Variants in ROCK1 observed in about 807,000 individuals in gnomAD.
The protein encoded by ROCK1 is rho-associated protein kinase 1.
In ROCK1, 36 loss-of-function variants were observed where a neutral mutation model predicts 196.8. That is an observed-to-expected ratio of 0.18 (90% CI 0.14 to 0.24). ROCK1 has a LOEUF of 0.24. Among genes scored for constraint, ROCK1 ranks in the 10% least tolerant of loss-of-function variants. The pLI, the probability that ROCK1 is intolerant of heterozygous loss-of-function variation, is 1.00. For synonymous variants in ROCK1, 443 were observed against 515.9 expected (o/e 0.86, Z 1.91); for missense variants, 920 against 1,562.0 (o/e 0.59, Z 6.93).
At position 20,947,759 on chromosome 18, in the gene ROCK1, T is replaced by TAA. The variant is rs1196050631; in HGVS notation, c.*3624_*3625insTT. 6.6e-6 allele frequency: 1 copy of TAA among 152,218 alleles called. No homozygotes were observed. Among genetic ancestry groups the TAA allele is most frequent in the African/African-American group, 2.4e-5 (1 of 41,468 alleles). 9.4% of individuals were successfully genotyped at this position (152,218 alleles called of 1,614,324 possible). On this transcript the variant is annotated 3_prime_UTR_variant, in exon 33 of 33. Transcript: ENST00000399799. ...TCTTTTTAAACTTCTCCAAATGTCT[T>TAA]ACAATTTTCTTGGTGGAGGTCGTAT...
chr18:20,963,808 T>C (rs1426555010), intron 27 of ROCK1, among the ~76,000 whole-genome samples: 1 of 152,172 alleles, frequency 6.6e-6, no homozygotes, highest in Non-Finnish European at 1.5e-5. Context: ...TTTATGTTTG[T>C]ATTGTGTGCT....
chr18:20,965,730 T>C (rs1361346889), intron 27 of ROCK1, among the ~76,000 whole-genome samples: 1 of 152,150 alleles, frequency 6.6e-6, no homozygotes, highest in East Asian at 1.9e-4. Flanking sequence ...TCTCAAGAGG[T>C]AGGCAGTTTC....
chr18:21,048,009 A>G (rs2036175564), intron 4 of ROCK1, among the ~76,000 whole-genome samples: 1 of 152,202 alleles, frequency 6.6e-6, no homozygotes, highest in Non-Finnish European at 1.5e-5. Context: ...GACAGATAAA[A>G]CATGAAGCTG....
chr18:21,093,259 A>T (rs889558631), intron 1 of ROCK1, among the ~76,000 whole-genome samples: 3 of 152,202 alleles, frequency 2.0e-5, no homozygotes, highest in African/African-American at 4.8e-5. Flanking sequence ...GGACAACACC[A>T]AAGAAGCCGA....
At chr18:21,086,649 CAA>C (rs1159099448) in intron 1 of ROCK1, among the ~76,000 whole-genome samples, 1 of 150,714 alleles carries the variant, frequency 6.6e-6, no homozygotes, top group East Asian at 1.9e-4. Context: ...CCAAATTTGG[CAA>C]AAGACATAAA....
At chr18:21,094,504 T>G (rs1415851363) in intron 1 of ROCK1, among the ~76,000 whole-genome samples, 3 of 152,024 alleles carry the variant, frequency 2.0e-5, no homozygotes, top group Non-Finnish European at 4.4e-5. Context: ...ATCCCAGCAC[T>G]TTGGGAGGAG....
intron 13 of ROCK1, among the ~76,000 whole-genome samples, chr18:21,014,027 C>T (rs1409166686): frequency 2.8e-5 from 4 of 144,922 alleles, no homozygotes; most frequent in Non-Finnish European, 5.9e-5. Flanking sequence ...GATCGCGCCA[C>T]TGCACTCCAG....
At chr18:21,019,897 TAA>T (rs1266866256) in intron 12 of ROCK1, among the ~76,000 whole-genome samples, 15 of 139,332 alleles carry the variant, frequency 1.1e-4, no homozygotes, top group African/African-American at 5.3e-5. Context: ...TTTCATGAAT[TAA>T]AAAAAAAAAA....
intron 19 of ROCK1, among the ~76,000 whole-genome samples, 181 bp downstream of exon 19, chr18:20,986,769 T>C (rs924821292): frequency 6.6e-6 from 1 of 152,226 alleles, no homozygotes; most frequent in African/African-American, 2.4e-5. Flanking sequence ...GAATGTTCAA[T>C]AACTATTTGA....
rs149624200 is a variant in ROCK1 at position 21,002,388 on chromosome 18, G to A, written c.1885+3963C>T. On this transcript the variant is annotated intron_variant, in intron 16 of 32. Transcript: ENST00000399799. ...GAGCATCATTAAGAATAATGCAAAG[G>A]GCTAACATATATTAAATATATTAAA... Among the ~76,000 whole-genome samples the A allele has an allele frequency of 2.0e-5, 3 of 152,084 alleles. No individual in the cohort carries two copies. The East Asian group carries it at 5.8e-4, about 29-fold the overall frequency.
At chr18:21,046,409 AAAGT>A (rs1304989887) in intron 4 of ROCK1, among the ~76,000 whole-genome samples, 10 of 152,354 alleles carry the variant, frequency 6.6e-5, no homozygotes, top group Non-Finnish European at 1.5e-4. Flanking sequence ...ACTAATCCAT[AAAGT>A]AACAGTGCAC....
intron 2 of ROCK1, among the ~76,000 whole-genome samples, chr18:21,057,731 G>A (rs2036255788): frequency 6.6e-6 from 1 of 152,154 alleles, no homozygotes; most frequent in Non-Finnish European, 1.5e-5. Context: ...TGAGGCATAA[G>A]AATCACTTGA....
intron 16 of ROCK1, among the ~76,000 whole-genome samples, chr18:20,998,563 G>A (rs945421461): frequency 3.7e-4 from 56 of 150,114 alleles, no homozygotes; most frequent in African/African-American, 1.2e-3. Flanking sequence ...TAAAAGCCCA[G>A]GACTGAATGA....
At position 21,008,178 on chromosome 18, in the gene ROCK1, T is replaced by C; in HGVS notation, c.1427A>G (p.Asn476Ser). 1 of 1,582,368 alleles carries C rather than the reference T, an allele frequency of 6.3e-7. No individual in the cohort carries two copies. Among genetic ancestry groups the C allele is most frequent in the Non-Finnish European group, 8.6e-7 (1 of 1,164,058 alleles). ...ELDEEGNQRRNLESTVSQIEK... is the reference protein window; with the variant it reads ...ELDEEGNQRRSLESTVSQIEK... The stretch of plus-strand genomic sequence containing the variant: ...AATCTGAGACACTGTAGATTCTAGA[T>C]TTCTTCTTTGATTTCCCTGGAATTA... The change falls in exon 14 of 33, where the codon AAT becomes AGT. Residue 476 changes from asparagine (N) to serine (S), a missense_variant. Coordinates refer to ENST00000399799, the MANE Select transcript of ROCK1 (RefSeq NM_005406.3).
At chr18:20,958,805 G>A (rs1460827798) in intron 29 of ROCK1, among the ~76,000 whole-genome samples, 7 of 142,386 alleles carry the variant, frequency 4.9e-5, no homozygotes, top group Non-Finnish European at 9.0e-5. Context: ...TAAATGCGAT[G>A]TAAACAGTTG....
At chr18:21,072,363 T>C (rs751272552) in intron 1 of ROCK1, among the ~76,000 whole-genome samples, 4 of 152,174 alleles carry the variant, frequency 2.6e-5, no homozygotes, top group Admixed American at 6.5e-5. Context: ...CAAGAATGTA[T>C]TCTTCTAACT....
At chr18:20,961,711 C>T (rs1310571905) in intron 27 of ROCK1, among the ~76,000 whole-genome samples, 3 of 152,076 alleles carry the variant, frequency 2.0e-5, no homozygotes, top group Non-Finnish European at 4.4e-5. Context: ...TGTCTCCACA[C>T]CTTTGCTTGT....
intron 27 of ROCK1, among the ~76,000 whole-genome samples, chr18:20,961,818 C>CTTTTTTT (rs11334095): frequency 2.6e-5 from 3 of 117,210 alleles, no homozygotes; most frequent in Non-Finnish European, 5.2e-5. Context: ...TTTCTTTTTC[C>CTTTTTTT]TTTTTTTTTT....
chr18:21,106,969 G>A (rs1317609819), intron 1 of ROCK1, among the ~76,000 whole-genome samples: 3 of 152,146 alleles, frequency 2.0e-5, no homozygotes, highest in East Asian at 1.9e-4. Context: ...TCAGACTGCA[G>A]ACTTTTTCAG....
Sources: gnomAD v4.1 joint callset for allele counts (sites outside exome capture counted in the v4.1 genomes callset) on GRCh38, gnomAD v4.1.1 for gene constraint, MANE v1.5 for transcripts, NCBI Gene and HGNC (gene_info 2026-07-23, HGNC 2026-07-21) for gene names.